DSCAM: variants seen among roughly 807,000 people sequenced by gnomAD.
DSCAM encodes cell adhesion molecule DSCAM.
Under a neutral mutation model 217.7 loss-of-function variants are expected in DSCAM, and 47 were observed. That is an observed-to-expected ratio of 0.22 (90% CI 0.17 to 0.28). The LOEUF is 0.28. Among genes scored for constraint, DSCAM ranks in the 10% least tolerant of loss-of-function variants. DSCAM has a pLI of 1.00. For missense variants in DSCAM, 2,080 were observed against 2,618.3 expected, an observed-to-expected ratio of 0.79 and a Z score of 4.49; for synonymous variants, 1,056 against 1,015.3, an observed-to-expected ratio of 1.04 and a Z score of -0.76.
At chr21:40,786,828 TGATATG>T (rs768966899) in intron 1 of DSCAM, among the ~76,000 whole-genome samples, 3 of 152,220 alleles carry the variant, frequency 2.0e-5, no homozygotes, top group African/African-American at 4.8e-5. Context: ...TGCTTAAATA[TGATATG>T]GATATGGAAT....
At chr21:40,192,979 T>C (rs2146838461) in intron 11 of DSCAM, among the ~76,000 whole-genome samples, 1 of 152,328 alleles carries the variant, frequency 6.6e-6, no homozygotes, top group South Asian at 2.1e-4. Flanking sequence ...ATTTCATGTT[T>C]AACATTTTGA....
intron 3 of DSCAM, among the ~76,000 whole-genome samples, chr21:40,488,272 TC>T (rs1568846189): frequency 6.6e-6 from 1 of 152,192 alleles, no homozygotes; most frequent in Non-Finnish European, 1.5e-5. Flanking sequence ...AGTTTCTGCT[TC>T]CGCAGCAAGG....
At chr21:40,100,380 AT>A (rs2089734606) in intron 20 of DSCAM, among the ~76,000 whole-genome samples, 1 of 152,144 alleles carries the variant, frequency 6.6e-6, no homozygotes, top group Non-Finnish European at 1.5e-5. Context: ...CTTTTGAAAT[AT>A]TTCCCTCCAT....
intron 3 of DSCAM, among the ~76,000 whole-genome samples, chr21:40,643,862 C>A (rs1243737381): frequency 6.6e-6 from 1 of 152,236 alleles, no homozygotes; most frequent in Non-Finnish European, 1.5e-5. Context: ...TAGTCTTGGA[C>A]TTCCAGCCTC....
chr21:40,781,994 A>G (rs538671110), intron 1 of DSCAM, among the ~76,000 whole-genome samples: 1 of 146,290 alleles, frequency 6.8e-6, no homozygotes, highest in African/African-American at 2.5e-5. Flanking sequence ...TAAAAATACA[A>G]AAAAAAAAAA....
intron 19 of DSCAM, among the ~76,000 whole-genome samples, chr21:40,133,560 C>G (rs1227534672): frequency 6.6e-6 from 1 of 151,468 alleles, no homozygotes; most frequent in Non-Finnish European, 1.5e-5. Flanking sequence ...AGTATTACAG[C>G]TCTAGGATAA....
At chr21:40,020,194 C>T (rs998775307) in intron 32 of DSCAM, among the ~76,000 whole-genome samples, 1 of 152,170 alleles carries the variant, frequency 6.6e-6, no homozygotes, top group Non-Finnish European at 1.5e-5. Context: ...GCCCCATTCA[C>T]TTGGCTCTCA....
rs1569075040 is a variant in DSCAM, at chr21:40,343,837, T to TTA, written c.1210+3832_1210+3833insTA. ...TGTTATTTTATTTTACTTTATTTTA[T>TTA]TTATTATTATTTTATTTCATTTTAT... is the stretch of plus-strand genomic sequence containing the variant. On this transcript the variant is annotated intron_variant, in intron 6 of 32. Coordinates refer to ENST00000400454, the MANE Select transcript of DSCAM (RefSeq NM_001389.5). 1.7e-4 allele frequency among the ~76,000 whole-genome samples: 26 copies of TTA among 150,516 alleles called. No individual in the cohort carries two copies. In the East Asian group the frequency reaches 2.7e-3, roughly 16 times the overall value.
In DSCAM at chr21:40,182,648, GGTT is replaced by G. The variant is rs1194898704; in HGVS notation, c.2780-3557_2780-3555del. 9.9e-4 allele frequency among the ~76,000 whole-genome samples: 130 copies of G among 131,786 alleles called. 2 individuals are homozygous for G. The highest frequency in any genetic ancestry group is 3.8e-3 in the African/African-American group (116 of 30,894). The allele number at this position is 131,786 out of a possible 152,430, so 86.5% of individuals were successfully genotyped here. ...ACCAGAGAAACCGTGGACAGGAGGGGGTTACCAGAGAAACCGTGGACAGGGGGG... is the reference window on the plus strand; with the variant it reads ...ACCAGAGAAACCGTGGACAGGAGGGGACCAGAGAAACCGTGGACAGGGGGG... On this transcript the variant is annotated intron_variant, in intron 14 of 32. Transcript: ENST00000400454.
chr21:40,488,540 C>T (rs527483530), intron 3 of DSCAM, among the ~76,000 whole-genome samples: 1 of 151,932 alleles, frequency 6.6e-6, no homozygotes, highest in Non-Finnish European at 1.5e-5. Flanking sequence ...TCCGTGGGCA[C>T]AGAGTGACAC....
At chr21:40,037,476 T>C (rs1158240137) in intron 32 of DSCAM, among the ~76,000 whole-genome samples, 1 of 142,966 alleles carries the variant, frequency 7.0e-6, no homozygotes, top group African/African-American at 2.8e-5. Context: ...GAAGGACCTC[T>C]TCAAGGAGAA....
At chr21:40,235,230 A>T (rs1186256785) in intron 11 of DSCAM, among the ~76,000 whole-genome samples, 1 of 152,222 alleles carries the variant, frequency 6.6e-6, no homozygotes, top group Admixed American at 6.5e-5. Flanking sequence ...ACCATAAAAT[A>T]CAAAGATGAG....
intron 1 of DSCAM, among the ~76,000 whole-genome samples, chr21:40,816,740 C>T (rs1469383640): frequency 2.6e-5 from 4 of 152,124 alleles, no homozygotes; most frequent in African/African-American, 7.2e-5. Flanking sequence ...TATTAAGCAA[C>T]GCTGCTGGGT....
In DSCAM at chr21:40,824,577, C is replaced by T. The variant is rs578092741; in HGVS notation, c.43+22042G>A. On this transcript the variant is annotated intron_variant, in intron 1 of 32. Coordinates refer to ENST00000400454, the MANE Select transcript of DSCAM (RefSeq NM_001389.5). Reference sequence around the variant, plus strand: ...AGCGCAGGCCACCATCCCCAGCTTACTTTTTAAAAAATATTTTTGTAGAGA... The same window carrying T: ...AGCGCAGGCCACCATCCCCAGCTTATTTTTTAAAAAATATTTTTGTAGAGA... 3.3e-5 allele frequency among the ~76,000 whole-genome samples: 5 copies of T among 151,976 alleles called. No homozygotes were observed. The East Asian group carries it at 9.7e-4, about 30-fold the overall frequency.
At chr21:40,309,749 G>C (rs1010768097) in intron 9 of DSCAM, among the ~76,000 whole-genome samples, 1 of 152,138 alleles carries the variant, frequency 6.6e-6, no homozygotes, top group Non-Finnish European at 1.5e-5. Flanking sequence ...CGCCAAAATA[G>C]ATTGTGAATT....
chr21:40,067,633 G>GA (rs1203508925), intron 27 of DSCAM, among the ~76,000 whole-genome samples: 2 of 151,302 alleles, frequency 1.3e-5, no homozygotes, highest in Non-Finnish European at 2.9e-5. Flanking sequence ...AGTATGTTTT[G>GA]AAAAAAAATA....
At chr21:40,297,515 T>C (rs1242509164) in intron 9 of DSCAM, among the ~76,000 whole-genome samples, 1 of 152,138 alleles carries the variant, frequency 6.6e-6, no homozygotes, top group Non-Finnish European at 1.5e-5. Context: ...ATTCTTAATT[T>C]TGAGACATAA....
intron 3 of DSCAM, among the ~76,000 whole-genome samples, chr21:40,607,875 T>C (rs898697373): frequency 1.3e-5 from 2 of 152,154 alleles, no homozygotes; most frequent in East Asian, 1.9e-4. Flanking sequence ...TACAAAGCAA[T>C]TGGTTAGAAT....
At chr21:40,402,182 C>T (rs1248410617) in intron 3 of DSCAM, among the ~76,000 whole-genome samples, 1 of 150,964 alleles carries the variant, frequency 6.6e-6, no homozygotes, top group Non-Finnish European at 1.5e-5. Context: ...GCCTCAGCCT[C>T]CCGAGTAGCT....
Sources: gnomAD v4.1 joint callset for allele counts (sites outside exome capture counted in the v4.1 genomes callset) on GRCh38, gnomAD v4.1.1 for gene constraint, MANE v1.5 for transcripts, NCBI Gene and HGNC (gene_info 2026-07-23, HGNC 2026-07-21) for gene names.